The following PAPPA2 variants were observed in gnomAD, a reference collection of about 807,000 sequenced individuals.
PAPPA2 encodes pappalysin-2.
In PAPPA2, 86 loss-of-function variants were observed where a neutral mutation model predicts 176.4. That is an observed-to-expected ratio of 0.49 (90% CI 0.41 to 0.58). The LOEUF (loss-of-function observed/expected upper bound fraction) is 0.58, where lower values mean the gene tolerates loss of function less well. Among genes scored for constraint, PAPPA2 ranks in the 20% least tolerant of loss-of-function variants. The pLI is 0.00. For missense variants in PAPPA2, 2,073 were observed against 2,256.9 expected (o/e 0.92, Z 1.65); for synonymous variants, 809 against 852.2 (o/e 0.95, Z 0.88).
chr1:176,576,476 T>G (rs1262523658), intron 2 of PAPPA2, among the ~76,000 whole-genome samples: 1 of 4,266 alleles, frequency 2.3e-4, no homozygotes, highest in Admixed American at 2.5e-3. Flanking sequence ...GTCAATGGGG[T>G]GTGTGTGTGT....
At chr1:176,550,626 A>G (rs544643760) in intron 1 of PAPPA2, among the ~76,000 whole-genome samples, 3 of 152,364 alleles carry the variant, frequency 2.0e-5, no homozygotes, top group South Asian at 2.1e-4. Flanking sequence ...CCTGTCCATG[A>G]CATACTTTGA....
chr1:176,799,981 G>C (rs1213529323), intron 20 of PAPPA2, 80 bp from the exon 21 acceptor site: 6 of 1,414,038 alleles, frequency 4.2e-6, no homozygotes, highest in Non-Finnish European at 6.0e-6. Context: ...GACTCCTGTG[G>C]TGAGCTCAGG....
At position 176,845,100 on chromosome 1, in the gene PAPPA2, G is replaced by A. The variant is rs1370891136; in HGVS notation, c.*2646G>A. 6.6e-6 allele frequency: 1 copy of A among 152,146 alleles called. No individual in the cohort carries two copies. Among genetic ancestry groups the A allele is most frequent in the Non-Finnish European group, 1.5e-5 (1 of 68,042 alleles). 9.4% of individuals were successfully genotyped at this position (152,146 alleles called of 1,614,324 possible). A position where few individuals can be genotyped will look rare whatever the true frequency, so the allele number is the denominator to read the frequency against. On this transcript the variant is annotated 3_prime_UTR_variant, in exon 23 of 23. Transcript: ENST00000367662. ...ACTCAGGTCACTGATAAAGTGGAAG[G>A]ACTAAGACACTGTGGTCACAGATCC... is the stretch of plus-strand genomic sequence containing the variant.
At position 176,702,746 on chromosome 1, in the gene PAPPA2, T is replaced by TGC. The variant is rs1491182183; in HGVS notation, c.3365+12_3365+13insCG. 8.9e-7 allele frequency: 1 copy of TGC among 1,118,292 alleles called. No individual in the cohort carries two copies. Among genetic ancestry groups the TGC allele is most frequent in the South Asian group, 1.5e-5 (1 of 67,788 alleles). 69.3% of individuals were successfully genotyped at this position (1,118,292 alleles called of 1,614,324 possible). A position where few individuals can be genotyped will look rare whatever the true frequency, so the allele number is the denominator to read the frequency against. On this transcript the variant is annotated intron_variant, in intron 9 of 22. Transcript: ENST00000367662. ...TGGGAAGGTGTCAGAGTGAGTATTT[T>TGC]GTGTGTGTGTGTGTGTGTGTGTGTG...
chr1:176,474,193 A>T (rs1241947287), intron 1 of PAPPA2, among the ~76,000 whole-genome samples: 1 of 152,160 alleles, frequency 6.6e-6, no homozygotes, highest in Non-Finnish European at 1.5e-5. Context: ...ATTCCCAGTG[A>T]CTTATTTTTT....
chr1:176,572,420 A>G (rs910581646), intron 2 of PAPPA2, among the ~76,000 whole-genome samples: 2 of 152,098 alleles, frequency 1.3e-5, no homozygotes, highest in Non-Finnish European at 2.9e-5. Context: ...CCTGGGTTCA[A>G]TTTGAGAACA....
intron 4 of PAPPA2, among the ~76,000 whole-genome samples, chr1:176,685,177 A>G (rs907480300): frequency 5.3e-5 from 8 of 152,112 alleles, no homozygotes; most frequent in African/African-American, 1.7e-4. Context: ...ATAGAATAAT[A>G]ATATTGACAA....
chr1:176,725,720 ACT>A (rs1249779568), intron 12 of PAPPA2, among the ~76,000 whole-genome samples: 1 of 151,980 alleles, frequency 6.6e-6, no homozygotes, highest in Non-Finnish European at 1.5e-5. Context: ...GCACACACAC[ACT>A]CACGGGTTTA....
intron 6 of PAPPA2, among the ~76,000 whole-genome samples, chr1:176,694,047 C>T (rs752683377): frequency 6.6e-6 from 1 of 152,182 alleles, no homozygotes; most frequent in South Asian, 2.1e-4. Flanking sequence ...GTTTTGAGAC[C>T]TCCCAACATG....
At chr1:176,778,096 G>T (rs1461252739) in intron 17 of PAPPA2, among the ~76,000 whole-genome samples, 1 of 147,820 alleles carries the variant, frequency 6.8e-6, no homozygotes, top group South Asian at 2.1e-4. Flanking sequence ...ATTGGCATTC[G>T]AGGTCAGAGG....
At chr1:176,647,923 G>C (rs1412866819) in intron 3 of PAPPA2, among the ~76,000 whole-genome samples, 3 of 151,342 alleles carry the variant, frequency 2.0e-5, no homozygotes, top group African/African-American at 7.3e-5. Context: ...TTGGCTATTT[G>C]GGGTCTTTTG....
At chr1:176,790,006 A>T in intron 18 of PAPPA2, 29 bp downstream of exon 18, 2 of 1,610,232 alleles carry the variant, frequency 1.2e-6, no homozygotes, top group Non-Finnish European at 1.7e-6. Flanking sequence ...ACTTATTTTC[A>T]TCAGGCTGTG....
At chr1:176,513,259 A>C (rs554894403) in intron 1 of PAPPA2, among the ~76,000 whole-genome samples, 4 of 151,746 alleles carry the variant, frequency 2.6e-5, no homozygotes, top group African/African-American at 9.7e-5. Context: ...ATGTTCCTTC[A>C]CTTGTTTTTC....
intron 1 of PAPPA2, among the ~76,000 whole-genome samples, chr1:176,551,315 T>C (rs918047347): frequency 3.3e-5 from 5 of 152,234 alleles, no homozygotes; most frequent in Non-Finnish European, 7.3e-5. Flanking sequence ...CATTTTAGAC[T>C]GCAAGTAGCT....
At chr1:176,826,186 A>G (rs1441044097) in intron 21 of PAPPA2, among the ~76,000 whole-genome samples, 1 of 152,230 alleles carries the variant, frequency 6.6e-6, no homozygotes, top group Non-Finnish European at 1.5e-5. Context: ...AAAGGAACAA[A>G]TAAATGATGT....
chr1:176,746,728 G>A (rs1662926583), intron 14 of PAPPA2, among the ~76,000 whole-genome samples: 1 of 152,124 alleles, frequency 6.6e-6, no homozygotes, highest in Non-Finnish European at 1.5e-5. Context: ...ACTCACAAAT[G>A]TAAAATCATA....
intron 12 of PAPPA2, among the ~76,000 whole-genome samples, chr1:176,718,304 G>A (rs1207475304): frequency 6.6e-6 from 1 of 151,876 alleles, no homozygotes; most frequent in Non-Finnish European, 1.5e-5. Context: ...TTAATTTGTG[G>A]CTTGTCTCTT....
intron 6 of PAPPA2, among the ~76,000 whole-genome samples, chr1:176,694,334 C>A (rs1215065733): frequency 1.3e-5 from 2 of 152,180 alleles, no homozygotes; most frequent in Non-Finnish European, 2.9e-5. Flanking sequence ...GGAACTTGCT[C>A]AAAGGAATTA....
intron 14 of PAPPA2, among the ~76,000 whole-genome samples, chr1:176,755,348 C>T (rs756079045): frequency 1.3e-5 from 2 of 152,138 alleles, no homozygotes; most frequent in Non-Finnish European, 2.9e-5. Flanking sequence ...TCCATTTAGC[C>T]GTAGCTTATG....
Sources: gnomAD v4.1 joint callset for allele counts (sites outside exome capture counted in the v4.1 genomes callset) on GRCh38, gnomAD v4.1.1 for gene constraint, MANE v1.5 for transcripts, NCBI Gene and HGNC (gene_info 2026-07-23, HGNC 2026-07-21) for gene names.